The following DOC2A variants were observed in gnomAD, a reference collection of about 807,000 sequenced individuals.
The protein encoded by DOC2A is double C2 domain alpha, also known as double C2-like domain-containing protein alpha.
In DOC2A, 28 loss-of-function variants were observed where a neutral mutation model predicts 40.6. The observed-to-expected ratio is 0.69, with a 90% CI of 0.51 to 0.95. The LOEUF (loss-of-function observed/expected upper bound fraction) is 0.95. Ranked by LOEUF, DOC2A falls within the 40% of genes least tolerant of loss-of-function variation. The probability of loss-of-function intolerance (pLI) is 0.00; values close to 1 mark genes in which losing one functional copy is unlikely to be tolerated. For missense variants in DOC2A, 474 were observed against 552.5 expected (o/e 0.86, Z 1.42); for synonymous variants, 241 against 236.9 (o/e 1.02, Z -0.16).
chr16:30,014,154 G>A (rs1187595677), upstream of DOC2A, among the ~76,000 whole-genome samples: 3 of 146,636 alleles, frequency 2.0e-5, no homozygotes, highest in East Asian at 6.2e-4. Context: ...AGGCTGTTTT[G>A]CTCTTGTTTA....
Position 30,010,290 on chromosome 16 carries a change from G to T in DOC2A, c.-13-55C>A. 1 of 1,603,684 alleles carries T rather than the reference G, an allele frequency of 6.2e-7. No individual in the cohort carries two copies. The highest frequency in any genetic ancestry group is 8.5e-7 in the Non-Finnish European group (1 of 1,178,398). On this transcript the variant is annotated intron_variant, in intron 1 of 10. Transcript: ENST00000350119. The surrounding 1 kb of genome is among the most constrained non-coding windows in gnomAD (Gnocchi z 4.2). ...CATCATACCTAGCCATCCTGGCTGA[G>T]GGCCAGGCGACGGCCTCCTCGGTCT...
chr16:30,006,953 G>A lies in DOC2A; in HGVS notation c.715-5C>T, dbSNP rs761294177. The A allele has an allele frequency of 8.1e-6, 13 of 1,613,402 alleles. No homozygotes were observed. The Admixed American group carries it at 8.3e-5, about 10-fold the overall frequency. ...CCCCTGCTCCGCCTGCTCCAACTGC[G>A]GGGCACAGACTCAGGGTCAGCCTGG... On this transcript the variant is annotated splice_polypyrimidine_tract_variant and splice_region_variant and intron_variant, in intron 7 of 10. Transcript: ENST00000350119. The surrounding 1 kb of genome is among the most constrained non-coding windows in gnomAD (Gnocchi z 6.2).
At chr16:30,013,614 A>ATAAAAATAAAT (rs765064092), upstream of DOC2A, 34 of 144,014 alleles carry the variant, frequency 2.4e-4, no homozygotes, top group Admixed American at 1.3e-3. Context: ...AAAAAAAAAA[A>ATAAAAATAAAT]AAAAAAAAAA....
At chr16:30,007,505 T>C (rs1334346635) in intron 5 of DOC2A, 1 of 653,504 alleles carries the variant, frequency 1.5e-6, no homozygotes, top group Non-Finnish European at 2.6e-6. Context: ...CATCAGGACA[T>C]GCTCAGCCAT....
At chr16:30,021,164 AC>A (rs1394661784) in intron 1 of DOC2A, 2 of 150,506 alleles carry the variant, frequency 1.3e-5, no homozygotes, top group Non-Finnish European at 3.0e-5. Flanking sequence ...CATGGCAAGT[AC>A]CCCGAGTCCT....
At chr16:30,016,387 G>A (rs1185079808), upstream of DOC2A, among the ~76,000 whole-genome samples, 1 of 152,070 alleles carries the variant, frequency 6.6e-6, no homozygotes, top group Admixed American at 6.6e-5. Flanking sequence ...GGTTTCCTTC[G>A]TGGCTCTCCA....
rs1303061951 is a variant in DOC2A, at chr16:30,006,884, C to G, written c.779G>C (p.Ser260Thr). ...CAGTCCCCGGCGCCGCGAGCTGTAGCTGAGACTCAGCAGGATGCGGCCACG... is the reference window on the plus strand; with the variant it reads ...CAGTCCCCGGCGCCGCGAGCTGTAGGTGAGACTCAGCAGGATGCGGCCACG... The part of the protein sequence containing the change: ...EERGRILLSL[S>T]YSSRRRGLLV... Residue 260 changes from serine to threonine, a missense_variant, in exon 8 of 11, where the codon AGC (serine) becomes ACC (threonine). Coordinates refer to ENST00000350119, the MANE Select transcript of DOC2A (RefSeq NM_003586.3). The surrounding 1 kb of genome is among the most constrained non-coding windows in gnomAD (Gnocchi z 6.2). 3 of 1,613,546 alleles carry G rather than the reference C, an allele frequency of 1.9e-6. No homozygotes were observed. In the Admixed American group the frequency reaches 5.0e-5, roughly 27 times the overall value.
At chr16:30,021,418 G>A (rs1174882191), upstream of DOC2A, 1 of 152,330 alleles carries the variant, frequency 6.6e-6, no homozygotes, top group Non-Finnish European at 1.5e-5. Context: ...CCGCAGGAGT[G>A]GAAATGGCTG....
rs1048004122 is a variant in DOC2A, at chr16:30,010,607, G to T, written c.-14+296C>A. The T allele has an allele frequency of 3.0e-6, 1 of 332,006 alleles. No homozygotes were observed. Among genetic ancestry groups the T allele is most frequent in the South Asian group, 2.7e-5 (1 of 36,900 alleles). The allele number at this position is 332,006 out of a possible 1,614,324, so 20.6% of individuals were successfully genotyped here. A position where few individuals can be genotyped will look rare whatever the true frequency, so the allele number is the denominator to read the frequency against. Reference sequence around the variant, plus strand: ...CTGCAGGGCCCCGCCTCTGTTTCTCGGAGGCTCTGTCCTCCTCTGCACCAG... The same window carrying T: ...CTGCAGGGCCCCGCCTCTGTTTCTCTGAGGCTCTGTCCTCCTCTGCACCAG... On this transcript the variant is annotated intron_variant, in intron 1 of 10. Coordinates refer to ENST00000350119, the MANE Select transcript of DOC2A (RefSeq NM_003586.3). This position sits in a 1 kb window ranked among gnomAD's most constrained non-coding sequence, Gnocchi z 4.2.
chr16:30,014,291 G>A (rs2070833359), upstream of DOC2A, among the ~76,000 whole-genome samples: 1 of 151,216 alleles, frequency 6.6e-6, no homozygotes. Flanking sequence ...ACAGGCGTGC[G>A]CCACTGTGCC....
At chr16:30,011,911 G>T (rs1460626039), upstream of DOC2A, among the ~76,000 whole-genome samples, 1 of 152,086 alleles carries the variant, frequency 6.6e-6, no homozygotes, top group Non-Finnish European at 1.5e-5. Context: ...GTCGGGGCTT[G>T]GCTCTGAAGG....
At position 30,009,864 on chromosome 16, in the gene DOC2A, A is replaced by C; in HGVS notation, c.262+97T>G. 2 of 1,351,890 alleles carry C rather than the reference A, an allele frequency of 1.5e-6. No individual in the cohort carries two copies. Among genetic ancestry groups the C allele is most frequent in the Non-Finnish European group, 1.0e-6 (1 of 959,408 alleles). The allele number at this position is 1,351,890 out of a possible 1,614,324, so 83.7% of individuals were successfully genotyped here. ...CCCCCACTGCCCTCCTCCCCTACCT[A>C]CATGCACAGCCAGCAGGGCCCATCC... On this transcript the variant is annotated intron_variant, in intron 2 of 10. Transcript: ENST00000350119. This position sits in a 1 kb window ranked among gnomAD's most constrained non-coding sequence, Gnocchi z 4.1.
In DOC2A at chr16:30,006,006, A is replaced by AT. The variant is rs1203323508; in HGVS notation, c.*179dup. 4.4e-6 allele frequency: 3 copies of AT among 681,702 alleles called. No homozygotes were observed. The African/African-American group carries it at 5.4e-5, about 12-fold the overall frequency. 42.2% of individuals were successfully genotyped at this position (681,702 alleles called of 1,614,324 possible). ...CTAGCGAGTCAGGCAGGAGGTTTGC[A>AT]TATGTGAATATAGAACTCCGCAGCC... On this transcript the variant is annotated 3_prime_UTR_variant, in exon 11 of 11. Transcript: ENST00000350119. This position sits in a 1 kb window ranked among gnomAD's most constrained non-coding sequence, Gnocchi z 6.2.
chr16:30,010,810 C>T lies in DOC2A; in HGVS notation c.-14+93G>A. 8 of 920,388 alleles carry T rather than the reference C, an allele frequency of 8.7e-6. No homozygotes were observed. Among genetic ancestry groups the T allele is most frequent in the Non-Finnish European group, 1.0e-5 (8 of 764,324 alleles). The allele number at this position is 920,388 out of a possible 1,614,324, so 57.0% of individuals were successfully genotyped here. On this transcript the variant is annotated intron_variant, in intron 1 of 10. Coordinates refer to ENST00000350119, the MANE Select transcript of DOC2A (RefSeq NM_003586.3). This position sits in a 1 kb window ranked among gnomAD's most constrained non-coding sequence, Gnocchi z 4.2. ...TCCTCAGGGGAGCCAGAAATTGCAG[C>T]CGCAGGAGAGCCGAACACCCCCGTA...
rs2070711672 is a variant in DOC2A at position 30,009,391 on chromosome 16, G to T, written c.342+87C>A. ...GAGGGGGCAAGGGCAGGACGAAGGAGCAGGCCTGGGAAGGGAAGGAGGAAT... is the reference window on the plus strand; with the variant it reads ...GAGGGGGCAAGGGCAGGACGAAGGATCAGGCCTGGGAAGGGAAGGAGGAAT... On this transcript the variant is annotated intron_variant, in intron 3 of 10. Coordinates refer to ENST00000350119, the MANE Select transcript of DOC2A (RefSeq NM_003586.3). The surrounding 1 kb of genome is among the most constrained non-coding windows in gnomAD (Gnocchi z 4.1). The T allele has an allele frequency of 1.3e-6, 2 of 1,494,328 alleles. No homozygotes were observed. The highest frequency in any genetic ancestry group is 2.0e-5 in the Admixed American group (1 of 50,934). The allele number at this position is 1,494,328 out of a possible 1,614,324, so 92.6% of individuals were successfully genotyped here. A position where few individuals can be genotyped will look rare whatever the true frequency, so the allele number is the denominator to read the frequency against.
At chr16:30,017,061 G>A (rs1405207587), upstream of DOC2A, among the ~76,000 whole-genome samples, 3 of 152,164 alleles carry the variant, frequency 2.0e-5, no homozygotes, top group South Asian at 2.1e-4. Flanking sequence ...TCCAGAGTAC[G>A]GCATATTCAG....
At chr16:30,013,080 G>C (rs1234676689), upstream of DOC2A, among the ~76,000 whole-genome samples, 1 of 150,232 alleles carries the variant, frequency 6.7e-6, no homozygotes, top group Non-Finnish European at 1.5e-5. Context: ...CTGGGCTGGG[G>C]GGAAGCTGAG....
chr16:30,007,729 GACTC>G (rs1170687064), intron 5 of DOC2A: 1 of 273,166 alleles, frequency 3.7e-6, no homozygotes, highest in Non-Finnish European at 7.2e-6. Context: ...GCCCCGCAGG[GACTC>G]ACTAAGAAAT....
Position 30,006,140 on chromosome 16 carries a change from T to G in DOC2A, c.*46A>C, listed in dbSNP as rs770739305. On this transcript the variant is annotated 3_prime_UTR_variant, in exon 11 of 11. Transcript: ENST00000350119. The surrounding 1 kb of genome is among the most constrained non-coding windows in gnomAD (Gnocchi z 6.2). The stretch of plus-strand genomic sequence containing the variant: ...GCAACACACTCGTGCGAAGGTTGGG[T>G]ACTGGACCCGGCTCGATGGGCCTGT... 24 of 1,544,248 alleles carry G rather than the reference T, an allele frequency of 1.6e-5. No homozygotes were observed. Among genetic ancestry groups the G allele is most frequent in the Middle Eastern group, 2.3e-4 (1 of 4,394 alleles).
Sources: allele counts gnomAD v4.1 joint callset (sites outside exome capture counted in the v4.1 genomes callset), GRCh38; gene constraint gnomAD v4.1.1; non-coding constraint Gnocchi (gnomAD v3.1); transcripts MANE v1.5; gene names NCBI Gene and HGNC (gene_info 2026-07-23, HGNC 2026-07-21).